OPLAH: variants seen among roughly 807,000 people sequenced by gnomAD.
OPLAH encodes 5-oxoprolinase.
In OPLAH, 103 loss-of-function variants were observed where a neutral mutation model predicts 122.8. The observed-to-expected ratio is 0.84, with a 90% CI of 0.71 to 0.99. The LOEUF is 0.99. Among genes scored for constraint, OPLAH ranks in the 50% least tolerant of loss-of-function variants. OPLAH has a pLI of 0.00. For synonymous variants in OPLAH, 875 were observed against 796.0 expected, an observed-to-expected ratio of 1.10 and a Z score of -1.67; for missense variants, 1,902 against 1,836.5, an observed-to-expected ratio of 1.04 and a Z score of -0.65.
intron 14 of OPLAH, 30 bp from the exon 15 acceptor site, chr8:144,056,289 C>G (rs782800281): frequency 6.2e-7 from 1 of 1,601,380 alleles, no homozygotes; most frequent in East Asian, 2.2e-5. Flanking sequence ...GTACAGCGCC[C>G]GGGCCCAGCA....
In OPLAH at chr8:144,052,416, C is replaced by G. The variant is rs1183100142; in HGVS notation, c.3303+33G>C. 15 of 1,529,110 alleles carry G rather than the reference C, an allele frequency of 9.8e-6. No homozygotes were observed. The South Asian group carries it at 1.7e-4, about 17-fold the overall frequency. The allele number at this position is 1,529,110 out of a possible 1,614,324, so 94.7% of individuals were successfully genotyped here. On this transcript the variant is annotated intron_variant, in intron 23 of 26. Coordinates refer to ENST00000618853, the MANE Select transcript of OPLAH (RefSeq NM_017570.5). ...CCTACTCCAGCCTGCCCACCCAGTC[C>G]GCCCCCGAGCTGCGCCCACCCCGCC... is the stretch of plus-strand genomic sequence containing the variant.
At position 144,055,136 on chromosome 8, in the gene OPLAH, G is replaced by C; in HGVS notation, c.2302C>G (p.Arg768Gly). Residue 768 changes from arginine (R) to glycine (G), a missense_variant, in exon 17 of 27, where the codon CGT (arginine) becomes GGT (glycine). By Grantham distance (125) the Arg-to-Gly change is moderately radical. Coordinates refer to ENST00000618853, the MANE Select transcript of OPLAH (RefSeq NM_017570.5). The surrounding 1 kb of genome is among the most constrained non-coding windows in gnomAD (Gnocchi z 6.5). ...AAGAGGGCACAGGAGAAGTCCAGACGCTCCTTGATGTTGGTGGAGATGGCT... is the reference window on the plus strand; with the variant it reads ...AAGAGGGCACAGGAGAAGTCCAGACCCTCCTTGATGTTGGTGGAGATGGCT... ...RTAISTNIKE[R>G]LDFSCALFGP... 1.3e-6 allele frequency: 2 copies of C among 1,582,898 alleles called. No individual in the cohort carries two copies. The highest frequency in any genetic ancestry group is 1.7e-6 in the Non-Finnish European group (2 of 1,165,266).
chr8:144,053,604 T>C (rs1835442183), intron 19 of OPLAH, among the ~76,000 whole-genome samples: 1 of 152,082 alleles, frequency 6.6e-6, no homozygotes. Flanking sequence ...TGCCTGTGCA[T>C]GTCCCTCTGT....
chr8:144,055,104 G>A lies in OPLAH; in HGVS notation c.2334C>T (p.Pro778=), dbSNP rs377496673. ...GGGCATTGGACACCAGCCCCCCATC[G>A]GGCCCAAAGAGGGCACAGGAGAAGT... is the stretch of plus-strand genomic sequence containing the variant. ...RLDFSCALFG[P]DGGLVSNAPH... The change falls in exon 17 of 27, where the codon CCC becomes CCT. Residue 778 remains proline (P), a synonymous_variant. Transcript: ENST00000618853. This position sits in a 1 kb window ranked among gnomAD's most constrained non-coding sequence, Gnocchi z 6.5. The A allele has an allele frequency of 4.7e-5, 74 of 1,582,970 alleles. No homozygotes were observed. The highest frequency in any genetic ancestry group is 1.5e-4 in the South Asian group (13 of 86,324).
chr8:144,057,100 C>T lies in OPLAH; in HGVS notation c.1554G>A (p.Ser518=), dbSNP rs781945223. The change falls in exon 12 of 27, where the codon TCG becomes TCA. Residue 518 remains serine, a synonymous_variant. Transcript: ENST00000618853. ...CGTCAGCCAGGGCCAGCCCCAGGGC[C>T]GACAGCAGCCCACTGTGCCTGCAGG... ...VHIHRHSGLL[S]ALGLALADVV... The T allele has an allele frequency of 1.1e-5, 18 of 1,600,820 alleles. No homozygotes were observed. Among genetic ancestry groups the T allele is most frequent in the Middle Eastern group, 1.7e-4 (1 of 6,034 alleles).
chr8:144,056,272 C>T lies in OPLAH; in HGVS notation c.1984-13G>A, dbSNP rs781929873. 20 of 1,606,272 alleles carry T rather than the reference C, an allele frequency of 1.2e-5. No individual in the cohort carries two copies. The highest frequency in any genetic ancestry group is 1.7e-4 in the Middle Eastern group (1 of 6,042). ...AGCACTGGGTCATCTGCAGAGGGTGCGGGTGAGTACAGCGCCCGGGCCCAG... is the reference window on the plus strand; with the variant it reads ...AGCACTGGGTCATCTGCAGAGGGTGTGGGTGAGTACAGCGCCCGGGCCCAG... On this transcript the variant is annotated splice_polypyrimidine_tract_variant and intron_variant, in intron 14 of 26. Coordinates refer to ENST00000618853, the MANE Select transcript of OPLAH (RefSeq NM_017570.5).
rs550003645 is a variant in OPLAH at position 144,059,423 on chromosome 8, T to G, written c.363+176A>C. On this transcript the variant is annotated intron_variant, in intron 3 of 26. Coordinates refer to ENST00000618853, the MANE Select transcript of OPLAH (RefSeq NM_017570.5). ...CGGCAGGCAGGAACAGGGCATCCTG[T>G]GCCCACTCCGAGGGCTAGGAGAACT... Among the ~76,000 whole-genome samples the G allele has an allele frequency of 5.9e-5, 9 of 152,342 alleles. No individual in the cohort carries two copies. In the South Asian group the frequency reaches 1.7e-3, roughly 28 times the overall value.
rs781893544 is a variant in OPLAH, at chr8:144,057,537, C to T, written c.1333G>A (p.Ala445Thr). 12 of 1,591,964 alleles carry T rather than the reference C, an allele frequency of 7.5e-6. No individual in the cohort carries two copies. The highest frequency in any genetic ancestry group is 4.3e-6 in the Non-Finnish European group (5 of 1,170,242). Residue 445 changes from alanine (A) to threonine (T), a missense_variant, in exon 10 of 27, where the codon GCC becomes ACC. By Grantham distance (58) the Ala-to-Thr change is moderately conservative. This residue lies in a region of OPLAH where 1,726 missense variants were observed against 1,642.1 expected (regional missense o/e 1.05). Coordinates refer to ENST00000618853, the MANE Select transcript of OPLAH (RefSeq NM_017570.5). ...NSFLTNGPCP[A>T]SPLSLEEVAM... ...ACCTCCTCCAGGCTCAGCGGGGAGG[C>T]CGGGCAGGGCCCGTTGGTCAGGAAG...
rs1220594838 is a variant in OPLAH, at chr8:144,055,357, A to G, written c.2249-168T>C. Among the ~76,000 whole-genome samples the G allele has an allele frequency of 4.6e-5, 7 of 151,964 alleles. No individual in the cohort carries two copies. Among genetic ancestry groups the G allele is most frequent in the Admixed American group, 3.3e-4 (5 of 15,266 alleles). ...CGGTGTGCCCACTTGGCCACGTCTT[A>G]GCCTATGTAAAGGACACCACCTTCC... On this transcript the variant is annotated intron_variant, in intron 16 of 26. Coordinates refer to ENST00000618853, the MANE Select transcript of OPLAH (RefSeq NM_017570.5). The surrounding 1 kb of genome is among the most constrained non-coding windows in gnomAD (Gnocchi z 6.5).
At chr8:144,057,779 A>T in intron 9 of OPLAH, 66 bp from the exon 10 acceptor site, 1 of 1,609,164 alleles carries the variant, frequency 6.2e-7, no homozygotes, top group Non-Finnish European at 8.5e-7. Context: ...GGCAGCAGGG[A>T]TAGGGCTGAC....
At chr8:144,054,984 A>T in intron 17 of OPLAH, 45 bp downstream of exon 17, 20 of 302,240 alleles carry the variant, frequency 6.6e-5, no homozygotes, top group Admixed American at 1.4e-4. Context: ...GGGGGGGTGG[A>T]GGGTGAGGGA....
chr8:144,052,892 G>A lies in OPLAH; in HGVS notation c.3027C>T (p.Ala1009=), dbSNP rs11136253. The part of the protein sequence containing the change: ...RVQISLSQGS[A]VFDFSGTGPE... Reference sequence around the variant, plus strand: ...GCCCAGTGCCGCTGAAGTCAAACACGGCGCTGCCCTGCGCGCCCCGAGGGA... The same window carrying A: ...GCCCAGTGCCGCTGAAGTCAAACACAGCGCTGCCCTGCGCGCCCCGAGGGA... The change falls in exon 22 of 27, where the codon GCC becomes GCT. Residue 1009 remains alanine (A), a synonymous_variant. Transcript: ENST00000618853. 1,550,140 of 1,556,626 alleles carry A rather than the reference G, an allele frequency of 1. 771,923 individuals carry two copies. Among genetic ancestry groups the A allele is most frequent in the African/African-American group, 1 (73,354 of 73,382 alleles).
At position 144,052,255 on chromosome 8, in the gene OPLAH, G is replaced by C; in HGVS notation, c.3375C>G (p.Gly1125=). 3 of 1,539,484 alleles carry C rather than the reference G, an allele frequency of 1.9e-6. No homozygotes were observed. Among genetic ancestry groups the C allele is most frequent in the Non-Finnish European group, 2.6e-6 (3 of 1,147,694 alleles). Reference sequence around the variant, plus strand: ...TGCGCCCGTGCCAGCTGGGACCCGCGCCCGCGCCGCCCGCCACCGTCTCGT... The same window carrying C: ...TGCGCCCGTGCCAGCTGGGACCCGCCCCCGCGCCGCCCGCCACCGTCTCGT... ...GYYETVAGGA[G]AGPSWHGRSG... The change falls in exon 24 of 27, where the codon GGC becomes GGG. Residue 1125 remains glycine, a synonymous_variant. Transcript: ENST00000618853.
rs782125024 is a variant in OPLAH, at chr8:144,056,459, G to A, written c.1909C>T (p.Arg637Trp). The A allele has an allele frequency of 6.8e-6, 11 of 1,610,954 alleles. No individual in the cohort carries two copies. Among genetic ancestry groups the A allele is most frequent in the South Asian group, 4.4e-5 (4 of 90,946 alleles). Reference sequence around the variant, plus strand: ...CGAAGACCACTGCGGCCGGTGCCCCGCACTCGCACATCGTCCACGACCACC... The same window carrying A: ...CGAAGACCACTGCGGCCGGTGCCCCACACTCGCACATCGTCCACGACCACC... ...RPVVVDDVRV[R>W]GTGRSGLRLE... The change falls in exon 14 of 27, where the codon CGG (arginine) becomes TGG (tryptophan). Residue 637 changes from arginine to tryptophan, a missense_variant. Physicochemically the swap from Arg to Trp is moderately radical, Grantham distance 101. Transcript: ENST00000618853.
Position 144,052,034 on chromosome 8 carries a change from C to T in OPLAH, c.3504G>A (p.Ser1168=). ...CGCCTCGGAAGCGGCCTCTGCCCCC[C>T]GAGCCCCGCCGCAGCTCGAAGCGGC... ...ILRRFELRRG[S]GGRGRFRGGD... is the part of the protein sequence containing the mutation. The change falls in exon 25 of 27, where the codon TCG becomes TCA. Residue 1168 remains serine, a synonymous_variant. Transcript: ENST00000618853. 1 of 1,589,584 alleles carries T rather than the reference C, an allele frequency of 6.3e-7. No individual in the cohort carries two copies. Among genetic ancestry groups the T allele is most frequent in the Non-Finnish European group, 8.5e-7 (1 of 1,176,142 alleles).
chr8:144,051,032 G>C (rs1260619043), downstream of OPLAH: 1 of 1,250,934 alleles, frequency 8.0e-7, no homozygotes, highest in Non-Finnish European at 1.0e-6. Flanking sequence ...GTCGGCGCCT[G>C]GACTACATCA....
chr8:144,053,372 G>T lies in OPLAH; in HGVS notation c.2708C>A (p.Ala903Glu), dbSNP rs560233274. 6.2e-7 allele frequency: 1 copy of T among 1,611,584 alleles called. No individual in the cohort carries two copies. Among genetic ancestry groups the T allele is most frequent in the Non-Finnish European group, 8.5e-7 (1 of 1,179,326 alleles). Residue 903 changes from alanine to glutamate, a missense_variant, in exon 20 of 27, where the codon GCG becomes GAG. By Grantham distance (107) the Ala-to-Glu change is moderately radical. Around this residue, in one of 3 missense-constraint regions of OPLAH, gnomAD observed 1,726 missense variants for 1,642.1 expected, o/e 1.05. Coordinates refer to ENST00000618853, the MANE Select transcript of OPLAH (RefSeq NM_017570.5). ...GCTGCAGTTGGGGACCTTGCCTGGC[G>T]CCCGCAGGGCCTCCGTCACCGCTGG... ...QEEAVTEALR[A>E]PGKVPNCSGT...
Position 144,058,005 on chromosome 8 carries a change from C to T in OPLAH, c.1088+5G>A. 1.2e-6 allele frequency: 2 copies of T among 1,612,406 alleles called. No individual in the cohort carries two copies. The highest frequency in any genetic ancestry group is 1.7e-4 in the Middle Eastern group (1 of 6,060). On this transcript the variant is annotated splice_donor_5th_base_variant and intron_variant, in intron 8 of 26. Transcript: ENST00000618853. ...GGTCCCAGCCTGGGAAGCAGGAGAG[C>T]TGACCTGAAGAAGAGGCGGGAACCC...
upstream of OPLAH, among the ~76,000 whole-genome samples, chr8:144,062,244 C>T (rs1835675924): frequency 6.6e-6 from 1 of 152,102 alleles, no homozygotes; most frequent in Non-Finnish European, 1.5e-5. Flanking sequence ...TCCCCATAGA[C>T]AGGGATGGGG....
Sources: gnomAD v4.1 joint callset for allele counts (sites outside exome capture counted in the v4.1 genomes callset) on GRCh38, gnomAD v4.1.1 for gene constraint, gnomAD v4.1.1 regional missense constraint, Gnocchi (gnomAD v3.1) non-coding constraint, MANE v1.5 for transcripts, NCBI Gene and HGNC (gene_info 2026-07-23, HGNC 2026-07-21) for gene names.